CHN1: variants seen among roughly 807,000 people sequenced by gnomAD.
CHN1 encodes N-chimaerin.
CHN1 carries 37 observed loss-of-function variants against 59.5 expected under a neutral mutation model. The ratio of observed to expected loss-of-function variants is 0.62; its 90% confidence interval spans 0.48 to 0.82. The LOEUF (loss-of-function observed/expected upper bound fraction) is 0.82, where lower values mean the gene tolerates loss of function less well. Ranked by LOEUF, CHN1 falls within the 40% of genes least tolerant of loss-of-function variation. CHN1 has a pLI of 0.00. For synonymous variants in CHN1, 206 were observed against 200.4 expected (o/e 1.03, Z -0.24); for missense variants, 469 against 571.0 (o/e 0.82, Z 1.82).
chr2:174,869,652 G>A (rs955729074), intron 6 of CHN1, among the ~76,000 whole-genome samples: 2 of 152,142 alleles, frequency 1.3e-5, no homozygotes, highest in Non-Finnish European at 2.9e-5. Flanking sequence ...TTTACTGTAT[G>A]TAAATTATAC....
intron 1 of CHN1, among the ~76,000 whole-genome samples, chr2:174,992,363 T>C (rs1213731443): frequency 1.3e-5 from 2 of 152,064 alleles, no homozygotes; most frequent in Non-Finnish European, 2.9e-5. Flanking sequence ...GAAACCTACA[T>C]GCTTCCAAAA....
intron 1 of CHN1, among the ~76,000 whole-genome samples, chr2:174,985,001 A>C (rs1691293064): frequency 6.6e-6 from 1 of 152,200 alleles, no homozygotes; most frequent in Non-Finnish European, 1.5e-5. Flanking sequence ...GATTTTTGCA[A>C]GTCTTAGGTT....
At chr2:174,977,794 A>G (rs988553925) in intron 1 of CHN1, among the ~76,000 whole-genome samples, 2 of 152,192 alleles carry the variant, frequency 1.3e-5, no homozygotes, top group African/African-American at 4.8e-5. Flanking sequence ...GCAAGATATA[A>G]TGACTTTTGG....
intron 3 of CHN1, chr2:174,921,039 G>A (rs914424539): frequency 2.9e-5 from 12 of 408,704 alleles, no homozygotes; most frequent in African/African-American, 1.6e-4. Context: ...TAATATGGCC[G>A]CTGATCTGAG....
chr2:174,946,900 TAAAAAAAAAAAAA>T (rs34155510), intron 2 of CHN1, among the ~76,000 whole-genome samples: 2 of 100,218 alleles, frequency 2.0e-5, no homozygotes, highest in African/African-American at 3.8e-5. Flanking sequence ...CTAAAAAATG[TAAAAAAAAAAAAA>T]AAAAAAAAAA....
chr2:174,936,825 A>C (rs1160512472), intron 3 of CHN1, among the ~76,000 whole-genome samples: 1 of 152,178 alleles, frequency 6.6e-6, no homozygotes, highest in African/African-American at 2.4e-5. Flanking sequence ...TAGCAACATT[A>C]TTAAGAATAA....
intron 7 of CHN1, among the ~76,000 whole-genome samples, chr2:174,834,669 TA>T (rs926494889): frequency 3.9e-5 from 6 of 151,952 alleles, no homozygotes; most frequent in African/African-American, 1.4e-4. Flanking sequence ...CAACTGCTTT[TA>T]AAAAAAACTT....
Position 174,901,082 on chromosome 2 carries a change from G to T in CHN1, c.260+13976C>A, listed in dbSNP as rs150186162. ...AAGGTAACAAGTAACTTTCTTGTGT[G>T]CATCCACTATTGATCTACTTCAGCT... On this transcript the variant is annotated intron_variant, in intron 5 of 12. Transcript: ENST00000409900. Among the ~76,000 whole-genome samples the T allele has an allele frequency of 4.4e-3, 675 of 152,276 alleles. 6 individuals are homozygous for T. Among genetic ancestry groups the T allele is most frequent in the African/African-American group, 0.015 (637 of 41,562 alleles).
chr2:174,934,730 A>C (rs752681378), intron 3 of CHN1, among the ~76,000 whole-genome samples: 2 of 152,244 alleles, frequency 1.3e-5, no homozygotes, highest in African/African-American at 2.4e-5. Context: ...AGTTTTGCCA[A>C]GCAAGTATGA....
At chr2:174,823,492 T>C (rs1685570934) in intron 8 of CHN1, among the ~76,000 whole-genome samples, 1 of 151,982 alleles carries the variant, frequency 6.6e-6, no homozygotes, top group Admixed American at 6.5e-5. Context: ...TGAAACCCCG[T>C]CTCTACTAAA....
At chr2:174,986,427 T>C (rs1691342575) in intron 1 of CHN1, among the ~76,000 whole-genome samples, 1 of 152,100 alleles carries the variant, frequency 6.6e-6, no homozygotes. Context: ...AGTTTACAGA[T>C]TAAGAGTTAA....
At position 174,864,720 on chromosome 2, in the gene CHN1, T is replaced by C. The variant is rs368677286; in HGVS notation, c.549+13120A>G. Among the ~76,000 whole-genome samples the C allele has an allele frequency of 1.2e-4, 19 of 152,120 alleles. No homozygotes were observed. The East Asian group carries it at 3.1e-3, about 25-fold the overall frequency. On this transcript the variant is annotated intron_variant, in intron 6 of 12. Coordinates refer to ENST00000409900, the MANE Select transcript of CHN1 (RefSeq NM_001822.7). ...ACCCCATCGCTACAAAAAAATTAGC[T>C]AGGCATGGTGGTGCATGCCTGTAGT...
chr2:174,933,208 G>T (rs1174480926), intron 3 of CHN1, among the ~76,000 whole-genome samples: 1 of 152,096 alleles, frequency 6.6e-6, no homozygotes, highest in Non-Finnish European at 1.5e-5. Flanking sequence ...ATAGGAGTTT[G>T]GGAGAAAGGA....
At chr2:174,925,222 C>G (rs1689135723) in intron 3 of CHN1, among the ~76,000 whole-genome samples, 2 of 152,102 alleles carry the variant, frequency 1.3e-5, no homozygotes, top group African/African-American at 4.8e-5. Context: ...TCCTCATACC[C>G]CCGCCTTTTG....
In CHN1 at chr2:174,808,987, A is replaced by G; in HGVS notation, c.1020T>C (p.Thr340=). Residue 340 remains threonine, a synonymous_variant, in exon 11 of 13, where the codon ACT becomes ACC. Coordinates refer to ENST00000409900, the MANE Select transcript of CHN1 (RefSeq NM_001822.7). ...VNMYEDINII[T]GALKLYFRDL... The stretch of plus-strand genomic sequence containing the variant: ...CCCTGAAGTACAGTTTAAGTGCACC[A>G]GTGATAATGTTGATATCTTCATACA... 1 of 1,613,344 alleles carries G rather than the reference A, an allele frequency of 6.2e-7. No homozygotes were observed. The highest frequency in any genetic ancestry group is 8.5e-7 in the Non-Finnish European group (1 of 1,179,354).
chr2:174,811,473 T>G (rs1685071765), intron 10 of CHN1, 38 bp downstream of exon 10: 2 of 1,432,426 alleles, frequency 1.4e-6, no homozygotes, highest in Admixed American at 3.7e-5. Flanking sequence ...GAAAAGAGTA[T>G]TATTGTCCTA....
At chr2:174,982,617 T>C (rs2105451419) in intron 1 of CHN1, among the ~76,000 whole-genome samples, 1 of 152,192 alleles carries the variant, frequency 6.6e-6, no homozygotes, top group African/African-American at 2.4e-5. Flanking sequence ...GCTATATCAC[T>C]TTGTGACCCA....
intron 3 of CHN1, among the ~76,000 whole-genome samples, chr2:174,936,789 C>T (rs759761561): frequency 8.5e-5 from 13 of 152,058 alleles, no homozygotes; most frequent in Non-Finnish European, 1.5e-4. Flanking sequence ...AGAATTAACT[C>T]TCCCATAAGA....
At chr2:174,893,535 T>C (rs1688119045) in intron 5 of CHN1, among the ~76,000 whole-genome samples, 1 of 152,174 alleles carries the variant, frequency 6.6e-6, no homozygotes, top group Non-Finnish European at 1.5e-5. Flanking sequence ...AAAATGTCCA[T>C]ACTATCCAAA....
Sources: gnomAD v4.1 joint callset for allele counts (sites outside exome capture counted in the v4.1 genomes callset) on GRCh38, gnomAD v4.1.1 for gene constraint, MANE v1.5 for transcripts, NCBI Gene and HGNC (gene_info 2026-07-23, HGNC 2026-07-21) for gene names.